Variants in FGF12 observed in about 807,000 individuals in gnomAD.
The protein encoded by FGF12 is fibroblast growth factor 12B.
FGF12 carries 14 observed loss-of-function variants against 23.6 expected under a neutral mutation model. That is an observed-to-expected ratio of 0.59 (90% CI 0.39 to 0.93). FGF12 has a LOEUF of 0.93. Among genes scored for constraint, FGF12 ranks in the 40% least tolerant of loss-of-function variants. The pLI is 0.00. For missense variants in FGF12, 175 were observed against 217.8 expected (o/e 0.80, Z 1.24); for synonymous variants, 62 against 77.3 (o/e 0.80, Z 1.04).
intron 4 of FGF12, among the ~76,000 whole-genome samples, chr3:192,332,668 T>A (rs1217445847): frequency 6.6e-6 from 1 of 152,042 alleles, no homozygotes; most frequent in Admixed American, 6.6e-5. Context: ...AGCTTAAAAA[T>A]AAATAGAAGC....
chr3:192,681,268 G>C (rs1337000233), intron 2 of FGF12, among the ~76,000 whole-genome samples: 1 of 152,158 alleles, frequency 6.6e-6, no homozygotes, highest in Non-Finnish European at 1.5e-5. Context: ...GATAAAAGGG[G>C]TGACATAAAG....
At chr3:192,456,374 TGC>T (rs1722682090) in intron 2 of FGF12, among the ~76,000 whole-genome samples, 2 of 152,194 alleles carry the variant, frequency 1.3e-5, no homozygotes, top group East Asian at 3.9e-4. Flanking sequence ...GCCCAAAGCC[TGC>T]TGTCAAGCAG....
rs1365941369 is a variant in FGF12, at chr3:192,275,448, A to G, written c.228+59913T>C. On this transcript the variant is annotated intron_variant, in intron 4 of 5. Transcript: ENST00000445105. The stretch of plus-strand genomic sequence containing the variant: ...CTCTGTTCAGCTCATTGAAATATTC[A>G]TTCTATTTTATAGAATGCAAAATTG... Among the ~76,000 whole-genome samples the G allele has an allele frequency of 3.3e-5, 5 of 152,188 alleles. No homozygotes were observed. The South Asian group carries it at 8.3e-4, about 25-fold the overall frequency.
In FGF12 at chr3:192,185,992, A is replaced by G. The variant is rs76933074; in HGVS notation, c.229-15336T>C. On this transcript the variant is annotated intron_variant, in intron 4 of 5. Coordinates refer to ENST00000445105, the MANE Select transcript of FGF12 (RefSeq NM_004113.6). ...ATTAAAAAAATATAAACTGAAGCAT[A>G]CAATCTCAAGAAGCCTATAATATGA... Among the ~76,000 whole-genome samples, 503 of 152,360 alleles carry G rather than the reference A, an allele frequency of 3.3e-3. 8 individuals are homozygous for G. Among genetic ancestry groups the G allele is most frequent in the East Asian group, 0.031 (163 of 5,194 alleles).
intron 2 of FGF12, among the ~76,000 whole-genome samples, chr3:192,656,020 C>G (rs1429742608): frequency 1.4e-5 from 2 of 140,956 alleles, no homozygotes; most frequent in Non-Finnish European, 3.0e-5. Context: ...AAAGAAATTC[C>G]CTCATCCAGG....
intron 2 of FGF12, among the ~76,000 whole-genome samples, chr3:192,448,254 T>C (rs1490793173): frequency 6.6e-6 from 1 of 152,230 alleles, no homozygotes; most frequent in Non-Finnish European, 1.5e-5. Context: ...CTTAATGAAA[T>C]GAGCTGCAGA....
chr3:192,390,630 C>G (rs1345722845), intron 2 of FGF12, among the ~76,000 whole-genome samples: 1 of 151,032 alleles, frequency 6.6e-6, no homozygotes, highest in Non-Finnish European at 1.5e-5. Flanking sequence ...TATGTGATGA[C>G]CATGACCATG....
chr3:192,227,774 T>C (rs1275275938), intron 4 of FGF12, among the ~76,000 whole-genome samples: 3 of 152,060 alleles, frequency 2.0e-5, no homozygotes, highest in African/African-American at 7.2e-5. Flanking sequence ...TTGAACTCTA[T>C]GATACATAGT....
At chr3:192,344,106 C>T (rs1717833151) in intron 3 of FGF12, among the ~76,000 whole-genome samples, 1 of 152,102 alleles carries the variant, frequency 6.6e-6, no homozygotes, top group African/African-American at 2.4e-5. Context: ...GAACACTAGG[C>T]ATAAATGAGT....
chr3:192,511,459 C>T (rs1215204883), intron 2 of FGF12, among the ~76,000 whole-genome samples: 2 of 152,188 alleles, frequency 1.3e-5, no homozygotes, highest in Non-Finnish European at 2.9e-5. Flanking sequence ...CACATTTCCC[C>T]TGACTACATT....
intron 2 of FGF12, among the ~76,000 whole-genome samples, chr3:192,696,543 T>G (rs1188798169): frequency 6.6e-6 from 1 of 151,612 alleles, no homozygotes; most frequent in African/African-American, 2.4e-5. Context: ...GATTGTGGAG[T>G]GGGAAGTGAC....
Position 192,146,272 on chromosome 3 carries a change from A to ATTTTTTTTTT in FGF12, c.428-2155_428-2146dup, listed in dbSNP as rs10676941. ...TTTTCTAATTTTCATTAAAGTGTAT[A>ATTTTTTTTTT]TTTTTTTTTTTTTTTTGAGACGGAG... On this transcript the variant is annotated intron_variant, in intron 5 of 5. Coordinates refer to ENST00000445105, the MANE Select transcript of FGF12 (RefSeq NM_004113.6). Among the ~76,000 whole-genome samples, 47 of 143,256 alleles carry ATTTTTTTTTT rather than the reference A, an allele frequency of 3.3e-4. 1 individual carries two copies. Among genetic ancestry groups the ATTTTTTTTTT allele is most frequent in the African/African-American group, 1.2e-3 (44 of 38,192 alleles). The allele number at this position is 143,256 out of a possible 152,430, so 94.0% of individuals were successfully genotyped here. A position where few individuals can be genotyped will look rare whatever the true frequency, so the allele number is the denominator to read the frequency against.
At chr3:192,569,778 C>T (rs772258859) in intron 2 of FGF12, among the ~76,000 whole-genome samples, 2 of 152,132 alleles carry the variant, frequency 1.3e-5, no homozygotes, top group South Asian at 2.1e-4. Flanking sequence ...TATTGAGAAA[C>T]GCATGTGCCA....
intron 2 of FGF12, among the ~76,000 whole-genome samples, chr3:192,608,534 T>G (rs1486058457): frequency 6.6e-6 from 1 of 152,140 alleles, no homozygotes; most frequent in East Asian, 1.9e-4. Context: ...AGACCCTCCC[T>G]TTTAAATTTA....
At chr3:192,206,123 A>G (rs903949733) in intron 4 of FGF12, among the ~76,000 whole-genome samples, 1 of 152,230 alleles carries the variant, frequency 6.6e-6, no homozygotes, top group African/African-American at 2.4e-5. Flanking sequence ...AATCCAGAGC[A>G]ATGCCATAGA....
intron 4 of FGF12, among the ~76,000 whole-genome samples, chr3:192,233,722 A>G (rs1036147285): frequency 1.3e-5 from 2 of 152,022 alleles, no homozygotes; most frequent in Non-Finnish European, 2.9e-5. Flanking sequence ...ATTTTTGTAT[A>G]TGGTAGAAGG....
At chr3:192,663,566 G>A (rs542228750) in intron 2 of FGF12, among the ~76,000 whole-genome samples, 3 of 152,188 alleles carry the variant, frequency 2.0e-5, no homozygotes, top group South Asian at 4.2e-4. Flanking sequence ...CATCTCTCTG[G>A]GGGTAGCTTT....
intron 2 of FGF12, among the ~76,000 whole-genome samples, chr3:192,466,603 A>T (rs1460741741): frequency 6.6e-6 from 1 of 152,208 alleles, no homozygotes; most frequent in Non-Finnish European, 1.5e-5. Context: ...CCATAATTAT[A>T]AAAAAGTAAT....
Position 192,320,039 on chromosome 3 carries a change from A to G in FGF12, c.228+15322T>C, listed in dbSNP as rs1266614247. Among the ~76,000 whole-genome samples the G allele has an allele frequency of 7.9e-5, 12 of 152,202 alleles. No homozygotes were observed. The East Asian group carries it at 2.3e-3, about 29-fold the overall frequency. On this transcript the variant is annotated intron_variant, in intron 4 of 5. Coordinates refer to ENST00000445105, the MANE Select transcript of FGF12 (RefSeq NM_004113.6). ...AGAATGTAAATGAAATAACTATCCA[A>G]TCAAAAGACGTAGAGTGCCTGCATA... is the stretch of plus-strand genomic sequence containing the variant.
Sources: allele counts gnomAD v4.1 joint callset (sites outside exome capture counted in the v4.1 genomes callset), GRCh38; gene constraint gnomAD v4.1.1; transcripts MANE v1.5; gene names NCBI Gene and HGNC (gene_info 2026-07-23, HGNC 2026-07-21).